AKAP9: variants seen among roughly 807,000 people sequenced by gnomAD.
AKAP9 encodes A-kinase anchoring protein 9, also known as A-kinase anchor protein 9.
AKAP9 carries 311 observed loss-of-function variants against 488.5 expected under a neutral mutation model. The observed-to-expected ratio is 0.64, with a 90% CI of 0.58 to 0.70. AKAP9 has a LOEUF of 0.70. AKAP9 is among the 30% of genes least tolerant of loss of function. The pLI, the probability that AKAP9 is intolerant of heterozygous loss-of-function variation, is 0.00. For synonymous variants in AKAP9, 1,462 were observed against 1,483.5 expected, an observed-to-expected ratio of 0.99 and a Z score of 0.33; for missense variants, 4,215 against 4,374.5, an observed-to-expected ratio of 0.96 and a Z score of 1.03.
chr7:92,108,266 C>T (rs1344554641), intron 48 of AKAP9, among the ~76,000 whole-genome samples: 5 of 152,184 alleles, frequency 3.3e-5, no homozygotes, highest in Non-Finnish European at 7.3e-5. Flanking sequence ...ATTGAGACCT[C>T]TGCCACAAGC....
At chr7:92,035,120 T>C (rs540163628) in intron 16 of AKAP9, among the ~76,000 whole-genome samples, 17 of 152,252 alleles carry the variant, frequency 1.1e-4, no homozygotes, top group Non-Finnish European at 1.8e-4. Flanking sequence ...CTTGTAAGTA[T>C]AGCAATGCTT....
intron 32 of AKAP9, 137 bp downstream of exon 32, chr7:92,082,799 A>G: frequency 9.3e-7 from 1 of 1,077,128 alleles, no homozygotes; most frequent in Non-Finnish European, 1.3e-6. Flanking sequence ...TTTGATGAAA[A>G]CTTTCATTGT....
chr7:91,941,126 G>A lies in AKAP9; in HGVS notation c.27G>A (p.Lys9=). 1.2e-6 allele frequency: 2 copies of A among 1,614,132 alleles called. No individual in the cohort carries two copies. The highest frequency in any genetic ancestry group is 1.7e-6 in the Non-Finnish European group (2 of 1,179,958). Residue 9 remains lysine (K), a synonymous_variant, in exon 1 of 50, where the codon AAG becomes AAA. Coordinates refer to ENST00000356239, the MANE Select transcript of AKAP9 (RefSeq NM_005751.5). ...TGGAGGACGAGGAGAGACAGAAGAA[G>A]CTGGAGGCCGGCAAAGCCAAGGTAG... The part of the protein sequence containing the change: MEDEERQK[K]LEAGKAKLAQ...
intron 21 of AKAP9, among the ~76,000 whole-genome samples, chr7:92,051,859 A>G (rs1808038375): frequency 6.6e-6 from 1 of 152,194 alleles, no homozygotes; most frequent in African/African-American, 2.4e-5. Flanking sequence ...AGGAAACTTC[A>G]CTGTTGAGTT....
At chr7:92,074,455 G>A (rs1012598266) in intron 28 of AKAP9, among the ~76,000 whole-genome samples, 8 of 152,192 alleles carry the variant, frequency 5.3e-5, no homozygotes, top group Non-Finnish European at 7.3e-5. Context: ...ACAGTGTGGC[G>A]ATTCCTCAAG....
chr7:91,996,306 A>T lies in AKAP9; in HGVS notation c.930+506A>T, dbSNP rs369445129. On this transcript the variant is annotated intron_variant, in intron 7 of 49. Transcript: ENST00000356239. ...CCGTGTATGGGTGCGTATATTTTAC[A>T]TATATGTGTATCACATTGATTATAA... 2.6e-5 allele frequency among the ~76,000 whole-genome samples: 4 copies of T among 152,314 alleles called. 1 individual carries two copies.
chr7:92,103,292 A>G (rs891528403), intron 46 of AKAP9, among the ~76,000 whole-genome samples: 7 of 147,688 alleles, frequency 4.7e-5, no homozygotes, highest in Non-Finnish European at 1.0e-4. Flanking sequence ...TGGGAGTCTG[A>G]GGCAGGAGAA....
intron 21 of AKAP9, among the ~76,000 whole-genome samples, chr7:92,049,818 T>C (rs1807622613): frequency 6.6e-6 from 1 of 152,106 alleles, no homozygotes; most frequent in Admixed American, 6.5e-5. Context: ...CTTTAATGTC[T>C]ATTTTTAAAA....
intron 45 of AKAP9, among the ~76,000 whole-genome samples, chr7:92,102,043 C>T (rs998237841): frequency 6.6e-6 from 1 of 151,766 alleles, no homozygotes; most frequent in African/African-American, 2.4e-5. Flanking sequence ...GTAATCCCAG[C>T]CACTTGGAAG....
Position 92,001,453 on chromosome 7 carries a change from C to T in AKAP9, c.1536C>T (p.Leu512=), listed in dbSNP as rs61757665. The change falls in exon 8 of 50, where the codon CTC becomes CTT. Residue 512 remains leucine, a synonymous_variant. Coordinates refer to ENST00000356239, the MANE Select transcript of AKAP9 (RefSeq NM_005751.5). The part of the protein sequence containing the change: ...LQDTNSQKEK[L]KEELGLILEE... ...ATACTAACTCTCAAAAGGAAAAACT[C>T]AAGGAAGAACTAGGACTAATTTTAG... The T allele has an allele frequency of 2.3e-3, 3,727 of 1,613,768 alleles. 9 individuals are homozygous for T. The highest frequency in any genetic ancestry group is 2.9e-3 in the Non-Finnish European group (3,400 of 1,179,848).
At chr7:92,097,894 T>C (rs1274317954) in intron 42 of AKAP9, 100 bp downstream of exon 42, 1 of 1,201,700 alleles carries the variant, frequency 8.3e-7, no homozygotes, top group East Asian at 2.4e-5. Context: ...ATTGAAATTT[T>C]AAAGGTAATG....
chr7:92,102,204 G>A (rs56075286), intron 45 of AKAP9, among the ~76,000 whole-genome samples: 57,813 of 138,152 alleles, frequency 0.42, 12,091 homozygotes, highest in African/African-American at 0.56. Flanking sequence ...TAAATAAATA[G>A]ATAGATTAGT....
intron 16 of AKAP9, among the ~76,000 whole-genome samples, chr7:92,034,487 T>C (rs1326728575): frequency 1.1e-5 from 1 of 93,668 alleles, no homozygotes. Context: ...TATCTATATA[T>C]ATATATATAT....
At chr7:92,053,858 C>T (rs1005372636) in intron 22 of AKAP9, among the ~76,000 whole-genome samples, 1 of 152,064 alleles carries the variant, frequency 6.6e-6, no homozygotes, top group African/African-American at 2.4e-5. Flanking sequence ...ACTGAGGGCC[C>T]AGCAACCTGT....
rs1421343040 is a variant in AKAP9, at chr7:92,040,842, G to A, written c.4861G>A (p.Glu1621Lys). 2 of 1,614,012 alleles carry A rather than the reference G, an allele frequency of 1.2e-6. No homozygotes were observed. The highest frequency in any genetic ancestry group is 1.3e-5 in the African/African-American group (1 of 75,022). ...AHMRQMERQR[E>K]DQEQLQEEIK... Reference sequence around the variant, plus strand: ...TATGCGGCAAATGGAGAGACAGCGAGAAGACCAGGAACAGCTACAAGAAGA... The same window carrying A: ...TATGCGGCAAATGGAGAGACAGCGAAAAGACCAGGAACAGCTACAAGAAGA... Residue 1621 changes from glutamate to lysine, a missense_variant, in exon 18 of 50, where the codon GAA (glutamate) becomes AAA (lysine). Glu to Lys is a moderately conservative substitution (Grantham distance 56, BLOSUM62 1). Around this residue, in one of 5 missense-constraint regions of AKAP9, gnomAD observed 2,361 missense variants for 2,430.0 expected, o/e 0.97. Transcript: ENST00000356239.
chr7:92,099,537 T>C, intron 43 of AKAP9, 150 bp from the exon 44 acceptor site: 1 of 815,134 alleles, frequency 1.2e-6, no homozygotes, highest in Admixed American at 1.9e-5. Context: ...TTCCTTATCT[T>C]TTCTGCCTGG....
At chr7:92,010,523 G>C (rs1800584374) in intron 8 of AKAP9, among the ~76,000 whole-genome samples, 1 of 152,230 alleles carries the variant, frequency 6.6e-6, no homozygotes, top group Non-Finnish European at 1.5e-5. Flanking sequence ...ACTGGTGTCT[G>C]AGTACGTTAT....
chr7:91,968,160 A>T (rs1451331653), intron 1 of AKAP9, among the ~76,000 whole-genome samples: 1 of 151,946 alleles, frequency 6.6e-6, no homozygotes, highest in Non-Finnish European at 1.5e-5. Flanking sequence ...CTGGTCTCAA[A>T]CTCCTGAGCT....
Position 92,086,545 on chromosome 7 carries a change from A to G in AKAP9, c.9213+129A>G, listed in dbSNP as rs944880144. The G allele has an allele frequency of 6.9e-6, 5 of 724,554 alleles. No individual in the cohort carries two copies. In the African/African-American group the frequency reaches 7.1e-5, roughly 10 times the overall value. The allele number at this position is 724,554 out of a possible 1,614,324, so 44.9% of individuals were successfully genotyped here. A position where few individuals can be genotyped will look rare whatever the true frequency, so the allele number is the denominator to read the frequency against. On this transcript the variant is annotated intron_variant, in intron 37 of 49. Coordinates refer to ENST00000356239, the MANE Select transcript of AKAP9 (RefSeq NM_005751.5). ...CCACTATGAATATTTTAAAAAAATTATTGTAACTATTTTAACGTATTATGT... is the reference window on the plus strand; with the variant it reads ...CCACTATGAATATTTTAAAAAAATTGTTGTAACTATTTTAACGTATTATGT...
Sources: allele counts gnomAD v4.1 joint callset (sites outside exome capture counted in the v4.1 genomes callset), GRCh38; gene constraint gnomAD v4.1.1; regional missense constraint gnomAD v4.1.1; transcripts MANE v1.5; gene names NCBI Gene and HGNC (gene_info 2026-07-23, HGNC 2026-07-21).